Variants in MTERF4 observed in about 807,000 individuals in gnomAD.
The protein encoded by MTERF4 is transcription termination factor 4, mitochondrial.
In MTERF4, 17 loss-of-function variants were observed where a neutral mutation model predicts 22.5. That is an observed-to-expected ratio of 0.75 (90% CI 0.52 to 1.13). The LOEUF (loss-of-function observed/expected upper bound fraction) is 1.13, where lower values mean the gene tolerates loss of function less well. Ranked by LOEUF, MTERF4 falls within the 50% of genes most tolerant of loss-of-function variation. MTERF4 has a pLI of 0.00. For synonymous variants in MTERF4, 165 were observed against 175.3 expected, an observed-to-expected ratio of 0.94 and a Z score of 0.47; for missense variants, 420 against 466.8, an observed-to-expected ratio of 0.90 and a Z score of 0.92.
At chr2:241,049,046 T>C in the MTERF4 span, 1 of 1,613,366 alleles carries the variant, frequency 6.2e-7, no homozygotes, top group Non-Finnish European at 8.5e-7. Flanking sequence ...CCCTGCAACA[T>C]GAACACACAG....
At chr2:241,077,578 A>C (rs1463729497) in intron 4 of MTERF4, among the ~76,000 whole-genome samples, 1 of 152,024 alleles carries the variant, frequency 6.6e-6, no homozygotes, top group Admixed American at 6.6e-5. Context: ...AAAGACAAAC[A>C]ACCCAGTTCA....
At chr2:241,066,724 G>A in the MTERF4 span, among the ~76,000 whole-genome samples, 1 of 152,222 alleles carries the variant, frequency 6.6e-6, no homozygotes. Flanking sequence ...AAACCTATGG[G>A]TAGCATGGCG....
downstream of MTERF4, chr2:241,087,704 G>T: frequency 1.5e-6 from 2 of 1,362,318 alleles, no homozygotes; most frequent in East Asian, 2.7e-5. Flanking sequence ...GTGCTGGGGG[G>T]GGTCACTCTG....
intron 1 of MTERF4, among the ~76,000 whole-genome samples, chr2:241,100,223 A>G (rs928126041): frequency 2.6e-5 from 4 of 152,238 alleles, no homozygotes; most frequent in Non-Finnish European, 4.4e-5. Context: ...TCTGGACCTC[A>G]GACTACTTTC....
chr2:241,081,882 G>A (rs2063345547), intron 4 of MTERF4: 2 of 1,006,324 alleles, frequency 2.0e-6, no homozygotes, highest in Admixed American at 4.1e-5. Flanking sequence ...GTTTGCCACG[G>A]GAGCCTCCAA....
At chr2:241,049,751 C>T in the MTERF4 span, 41 of 1,285,352 alleles carry the variant, frequency 3.2e-5, no homozygotes, top group Non-Finnish European at 4.0e-5. Flanking sequence ...AGGTGCCCGC[C>T]AGCCTCTTGC....
the MTERF4 span, chr2:241,063,929 C>G: frequency 9.1e-7 from 1 of 1,100,542 alleles, no homozygotes; most frequent in African/African-American, 1.6e-5. Context: ...TAGACTCCTC[C>G]TTTCCCTTCT....
downstream of MTERF4, among the ~76,000 whole-genome samples, chr2:241,086,558 C>T (rs2063586692): frequency 2.0e-5 from 3 of 152,230 alleles, no homozygotes; most frequent in African/African-American, 7.2e-5. Context: ...CTCGTGTTGT[C>T]TGTTTTCTAA....
the MTERF4 span, chr2:241,064,141 T>C: frequency 0.55 from 811,800 of 1,487,152 alleles, 228,721 homozygotes; most frequent in East Asian, 0.82. The surrounding 1 kb of genome is among the most constrained non-coding windows in gnomAD (Gnocchi z 7.0). Context: ...GCGGCAGGCC[T>C]GCCTGCTCCC....
chr2:241,063,447 A>C, the MTERF4 span: 2 of 679,900 alleles, frequency 2.9e-6, no homozygotes, highest in South Asian at 1.6e-5. Flanking sequence ...GGCTGATGGA[A>C]GAAAAAGCAC....
At chr2:241,071,479 C>A, downstream of MTERF4, 1 of 1,409,892 alleles carries the variant, frequency 7.1e-7, no homozygotes, top group Non-Finnish European at 9.7e-7. Flanking sequence ...CTTCTCCAAG[C>A]ACGGCTGAGT....
At chr2:241,062,697 G>A in the MTERF4 span, 22 of 823,084 alleles carry the variant, frequency 2.7e-5, no homozygotes, top group African/African-American at 8.4e-5. Context: ...ATGTATCATC[G>A]AATTCTGTCT....
chr2:241,072,004 C>T, downstream of MTERF4: 1 of 862,884 alleles, frequency 1.2e-6, no homozygotes, highest in Non-Finnish European at 1.9e-6. Context: ...AGCCAGTGAC[C>T]CCCACCCCGA....
At chr2:241,078,648 G>A (rs937807864) in intron 4 of MTERF4, among the ~76,000 whole-genome samples, 1 of 151,760 alleles carries the variant, frequency 6.6e-6, no homozygotes, top group South Asian at 2.1e-4. Context: ...TGGAGGGGAT[G>A]GGGAAGGCAG....
chr2:241,046,424 A>G, the MTERF4 span, among the ~76,000 whole-genome samples: 1 of 152,252 alleles, frequency 6.6e-6, no homozygotes, highest in Non-Finnish European at 1.5e-5. Flanking sequence ...GGGTGAATGG[A>G]TAGACAAATT....
At chr2:241,050,106 T>C in the MTERF4 span, 2 of 680,472 alleles carry the variant, frequency 2.9e-6, no homozygotes, top group Admixed American at 2.1e-5. Flanking sequence ...ACCTCACTGT[T>C]TGGATGGTTC....
At chr2:241,092,280 G>A (rs1381895596), downstream of MTERF4, 2 of 152,296 alleles carry the variant, frequency 1.3e-5, no homozygotes, top group Middle Eastern at 3.4e-3. This position sits in a 1 kb window ranked among gnomAD's most constrained non-coding sequence, Gnocchi z 4.6. Flanking sequence ...ACAACGGCGC[G>A]ACTGGCAGCC....
chr2:241,083,581 C>T (rs554193921), downstream of MTERF4, among the ~76,000 whole-genome samples: 6 of 152,150 alleles, frequency 3.9e-5, no homozygotes, highest in African/African-American at 7.2e-5. Flanking sequence ...TTTGGGAAGC[C>T]GTGTTGACAG....
the MTERF4 span, among the ~76,000 whole-genome samples, chr2:241,050,511 A>G: frequency 6.6e-6 from 1 of 152,156 alleles, no homozygotes; most frequent in Non-Finnish European, 1.5e-5. Context: ...CCAGGGGCTC[A>G]GCCCCAGGCA....
Sources: gnomAD v4.1 joint callset for allele counts (sites outside exome capture counted in the v4.1 genomes callset) on GRCh38, gnomAD v4.1.1 for gene constraint, Gnocchi (gnomAD v3.1) non-coding constraint, MANE v1.5 for transcripts, NCBI Gene and HGNC (gene_info 2026-07-23, HGNC 2026-07-21) for gene names.